Variants in NEK7 observed in about 807,000 individuals in gnomAD.
The protein encoded by NEK7 is NIMA related kinase 7.
In NEK7, 18 loss-of-function variants were observed where a neutral mutation model predicts 44.6. The observed-to-expected ratio is 0.40, with a 90% CI of 0.28 to 0.60. The LOEUF is 0.60. Ranked by LOEUF, NEK7 falls within the 20% of genes least tolerant of loss-of-function variation. The probability of loss-of-function intolerance (pLI) is 0.38; values close to 1 mark genes in which losing one functional copy is unlikely to be tolerated. For missense variants in NEK7, 256 were observed against 366.5 expected (o/e 0.70, Z 2.46); for synonymous variants, 130 against 121.1 (o/e 1.07, Z -0.48).
intron 3 of NEK7, among the ~76,000 whole-genome samples, chr1:198,254,155 T>G (rs1304662251): frequency 6.6e-6 from 1 of 152,062 alleles, no homozygotes; most frequent in Non-Finnish European, 1.5e-5. Flanking sequence ...CATTTAAAAA[T>G]GAAACTAATG....
intron 1 of NEK7, among the ~76,000 whole-genome samples, chr1:198,170,970 G>A (rs1335779144): frequency 6.6e-6 from 1 of 152,102 alleles, no homozygotes; most frequent in Non-Finnish European, 1.5e-5. Context: ...TTGCTGTGTT[G>A]CTCAGGCTGG....
intron 1 of NEK7, among the ~76,000 whole-genome samples, chr1:198,171,858 G>C (rs1240644278): frequency 1.3e-5 from 2 of 152,066 alleles, no homozygotes; most frequent in East Asian, 3.9e-4. Flanking sequence ...GACTCACCTT[G>C]AGTGTCTTCT....
intron 1 of NEK7, among the ~76,000 whole-genome samples, chr1:198,212,777 C>G (rs1202020760): frequency 1.3e-5 from 2 of 152,268 alleles, no homozygotes; most frequent in South Asian, 2.1e-4. Flanking sequence ...GGCTGATCCT[C>G]TTTTGCAAGT....
chr1:198,249,418 G>A (rs1368240017), intron 2 of NEK7, among the ~76,000 whole-genome samples: 1 of 151,678 alleles, frequency 6.6e-6, no homozygotes, highest in Non-Finnish European at 1.5e-5. Context: ...TAATGGGATG[G>A]CTGGGTCAAA....
chr1:198,308,845 C>G (rs1002103346), intron 9 of NEK7, among the ~76,000 whole-genome samples: 20 of 152,118 alleles, frequency 1.3e-4, no homozygotes, highest in East Asian at 5.8e-4. Context: ...TTCTCTCCCC[C>G]CCTTTTATAT....
At chr1:198,312,375 C>CT (rs1297888897) in intron 9 of NEK7, among the ~76,000 whole-genome samples, 2 of 150,774 alleles carry the variant, frequency 1.3e-5, no homozygotes, top group East Asian at 3.9e-4. Context: ...TTTGTTGATC[C>CT]TTTCAAAAAA....
chr1:198,204,656 C>T (rs1665537014), intron 1 of NEK7, among the ~76,000 whole-genome samples: 2 of 148,292 alleles, frequency 1.3e-5, no homozygotes, highest in Admixed American at 6.8e-5. Flanking sequence ...GGGGCGGAGC[C>T]TGCAGTGAGC....
At chr1:198,171,648 C>T (rs1430703329) in intron 1 of NEK7, among the ~76,000 whole-genome samples, 1 of 150,874 alleles carries the variant, frequency 6.6e-6, no homozygotes, top group Non-Finnish European at 1.5e-5. Context: ...AACTGCACTC[C>T]AGCCTGGGCG....
At chr1:198,268,020 C>T (rs377235959) in intron 5 of NEK7, among the ~76,000 whole-genome samples, 12 of 152,046 alleles carry the variant, frequency 7.9e-5, no homozygotes, top group East Asian at 3.9e-4. Context: ...ACTCCTCCAT[C>T]GGCTTATTGA....
At chr1:198,301,896 T>C (rs1031882095) in intron 9 of NEK7, among the ~76,000 whole-genome samples, 3 of 152,236 alleles carry the variant, frequency 2.0e-5, no homozygotes, top group Non-Finnish European at 2.9e-5. Flanking sequence ...AAATGTATTG[T>C]AAATAAGAAA....
intron 1 of NEK7, among the ~76,000 whole-genome samples, chr1:198,191,741 G>A (rs1331361636): frequency 6.6e-6 from 1 of 151,950 alleles, no homozygotes; most frequent in African/African-American, 2.4e-5. Context: ...TCAAAAAGTT[G>A]TAAAGTTCTG....
At chr1:198,224,802 G>T (rs1486537662) in intron 1 of NEK7, among the ~76,000 whole-genome samples, 1 of 152,094 alleles carries the variant, frequency 6.6e-6, no homozygotes, top group East Asian at 1.9e-4. Context: ...CTCAGGTAAA[G>T]AAATGTGGAG....
chr1:198,316,596 G>A (rs1388940897), intron 9 of NEK7, among the ~76,000 whole-genome samples: 2 of 152,152 alleles, frequency 1.3e-5, no homozygotes, highest in African/African-American at 4.8e-5. Flanking sequence ...TCACTTTGTA[G>A]TTTATAATAG....
chr1:198,302,673 T>C (rs1028797284), intron 9 of NEK7, among the ~76,000 whole-genome samples: 6 of 151,688 alleles, frequency 4.0e-5, no homozygotes, highest in African/African-American at 1.4e-4. Flanking sequence ...GAGTATAACA[T>C]ATTTATGTGG....
At chr1:198,209,714 T>C (rs1665708424) in intron 1 of NEK7, among the ~76,000 whole-genome samples, 1 of 152,176 alleles carries the variant, frequency 6.6e-6, no homozygotes, top group South Asian at 2.1e-4. Flanking sequence ...TTGCCCAGGC[T>C]GGTCCTGAAT....
At chr1:198,299,133 G>T (rs781017689) in intron 9 of NEK7, among the ~76,000 whole-genome samples, 4 of 152,178 alleles carry the variant, frequency 2.6e-5, no homozygotes, top group Admixed American at 2.6e-4. Flanking sequence ...GTGATTCCTC[G>T]TATTGGTAAA....
At chr1:198,216,532 A>G (rs1373065905) in intron 1 of NEK7, among the ~76,000 whole-genome samples, 1 of 151,976 alleles carries the variant, frequency 6.6e-6, no homozygotes, top group Non-Finnish European at 1.5e-5. Context: ...TTAGAGAGAC[A>G]AGAACAAACC....
chr1:198,262,001 C>A (rs1653490922), intron 3 of NEK7, among the ~76,000 whole-genome samples: 1 of 151,702 alleles, frequency 6.6e-6, no homozygotes, highest in Non-Finnish European at 1.5e-5. Context: ...CAATTTTCAC[C>A]CCCTTGGAAT....
chr1:198,174,116 A>G (rs13376007), intron 1 of NEK7, among the ~76,000 whole-genome samples: 4,182 of 152,282 alleles, frequency 0.027, 195 homozygotes, highest in African/African-American at 0.095. Flanking sequence ...TTAACTTTGC[A>G]CCATCCATTC....
Sources: allele counts gnomAD v4.1 joint callset (sites outside exome capture counted in the v4.1 genomes callset), GRCh38; gene constraint gnomAD v4.1.1; transcripts MANE v1.5; gene names NCBI Gene and HGNC (gene_info 2026-07-23, HGNC 2026-07-21).